Variants in PRR12 observed in about 807,000 individuals in gnomAD.
PRR12 encodes the protein proline rich 12.
In PRR12, 12 loss-of-function variants were observed where a neutral mutation model predicts 138.0. The observed-to-expected ratio is 0.09, with a 90% CI of 0.06 to 0.14. PRR12 has a LOEUF of 0.14. Among genes scored for constraint, PRR12 ranks in the 10% least tolerant of loss-of-function variants. The pLI is 1.00. For synonymous variants in PRR12, 1,567 were observed against 1,291.7 expected (o/e 1.21, Z -4.57); for missense variants, 2,692 against 2,861.3 (o/e 0.94, Z 1.35).
chr19:49,600,061 GTTTATGAAGGGAC>G, intron 5 of PRR12, 123 bp downstream of exon 5: 1 of 1,106,104 alleles, frequency 9.0e-7, no homozygotes, highest in African/African-American at 1.6e-5. Context: ...AAGCTTGCGT[GTTTATGAAGGGAC>G]TTTCCTGATT....
chr19:49,614,158 A>G lies in PRR12; in HGVS notation c.4774-375A>G, dbSNP rs2080880001. ...AATTATGTGGGGGGACAGTCAGACC[A>G]CAACAGGACGTCTTGCTCACAACCG... On this transcript the variant is annotated intron_variant, in intron 6 of 13. Coordinates refer to ENST00000418929, the MANE Select transcript of PRR12 (RefSeq NM_020719.3). This position sits in a 1 kb window ranked among gnomAD's most constrained non-coding sequence, Gnocchi z 5.0. 6.6e-6 allele frequency among the ~76,000 whole-genome samples: 1 copy of G among 152,194 alleles called. No individual in the cohort carries two copies. Among genetic ancestry groups the G allele is most frequent in the African/African-American group, 2.4e-5 (1 of 41,440 alleles).
rs545829884 is a variant in PRR12 at position 49,612,427 on chromosome 19, G to A, written c.4774-2106G>A. On this transcript the variant is annotated intron_variant, in intron 6 of 13. Transcript: ENST00000418929. ...TGGGGATTGACTGGCCCTGTTTGGG[G>A]AACGGGCAAGGCTGAAGTCAGGGTG... Among the ~76,000 whole-genome samples, 3 of 152,166 alleles carry A rather than the reference G, an allele frequency of 2.0e-5. No homozygotes were observed. In the East Asian group the frequency reaches 5.8e-4, roughly 29 times the overall value.
At position 49,594,836 on chromosome 19, in the gene PRR12, C is replaced by T. The variant is rs962193562; in HGVS notation, c.501C>T (p.Ser167=). 3 of 1,611,564 alleles carry T rather than the reference C, an allele frequency of 1.9e-6. No homozygotes were observed. In the African/African-American group the frequency reaches 4.0e-5, roughly 22 times the overall value. Residue 167 remains serine, a synonymous_variant, in exon 4 of 14, where the codon TCC becomes TCT. Transcript: ENST00000418929. This position sits in a 1 kb window ranked among gnomAD's most constrained non-coding sequence, Gnocchi z 5.6. Reference sequence around the variant, plus strand: ...GCCGCCCCTTCCCAGTGCCCTCGTCCCTCAGCCTCCAGGACCCCCCATTCA... The same window carrying T: ...GCCGCCCCTTCCCAGTGCCCTCGTCTCTCAGCCTCCAGGACCCCCCATTCA... ...FGSRPFPVPS[S]LSLQDPPFSP...
At chr19:49,610,951 T>C (rs898706860) in intron 6 of PRR12, among the ~76,000 whole-genome samples, 2 of 151,820 alleles carry the variant, frequency 1.3e-5, no homozygotes, top group African/African-American at 2.4e-5. Context: ...TTCAAGTGAT[T>C]GTCCCCTCAG....
chr19:49,598,941 C>T (rs577664992), intron 4 of PRR12, among the ~76,000 whole-genome samples: 5 of 152,102 alleles, frequency 3.3e-5, no homozygotes, highest in Non-Finnish European at 7.4e-5. Context: ...ATTACAGGCA[C>T]GAGCCACCTC....
rs950143636 is a variant in PRR12, at chr19:49,616,897, G to A, written c.5497+678G>A. Reference sequence around the variant, plus strand: ...TAATCCCAACACTTTGGGAGGCCAAGGTGGGCGGATCAGCTGAGGTCAGGA... The same window carrying A: ...TAATCCCAACACTTTGGGAGGCCAAAGTGGGCGGATCAGCTGAGGTCAGGA... On this transcript the variant is annotated intron_variant, in intron 9 of 13. Coordinates refer to ENST00000418929, the MANE Select transcript of PRR12 (RefSeq NM_020719.3). This position sits in a 1 kb window ranked among gnomAD's most constrained non-coding sequence, Gnocchi z 4.2. Among the ~76,000 whole-genome samples the A allele has an allele frequency of 6.6e-6, 1 of 152,170 alleles. No homozygotes were observed. Among genetic ancestry groups the A allele is most frequent in the Admixed American group, 6.5e-5 (1 of 15,274 alleles).
chr19:49,598,030 T>C lies in PRR12; in HGVS notation c.3678+17T>C. 7.5e-7 allele frequency: 1 copy of C among 1,341,220 alleles called. No individual in the cohort carries two copies. The highest frequency in any genetic ancestry group is 9.5e-7 in the Non-Finnish European group (1 of 1,047,844). The allele number at this position is 1,341,220 out of a possible 1,614,324, so 83.1% of individuals were successfully genotyped here. A position where few individuals can be genotyped will look rare whatever the true frequency, so the allele number is the denominator to read the frequency against. On this transcript the variant is annotated intron_variant, in intron 4 of 13. Coordinates refer to ENST00000418929, the MANE Select transcript of PRR12 (RefSeq NM_020719.3). ...CCACTTAAGGTGAGGGGAAATGGGG[T>C]CTTGTAGGGGATAGGGGAGGAGGAG...
chr19:49,599,406 G>A lies in PRR12; in HGVS notation c.3813G>A (p.Glu1271=), dbSNP rs761342590. The change falls in exon 5 of 14, where the codon GAG becomes GAA. Residue 1271 remains glutamate (E), a synonymous_variant. Coordinates refer to ENST00000418929, the MANE Select transcript of PRR12 (RefSeq NM_020719.3). This position sits in a 1 kb window ranked among gnomAD's most constrained non-coding sequence, Gnocchi z 5.0. ...TCGAGGCCAAGATTAAGGAGGTGGA[G>A]GAGAAGCAGCCGGAGATGAAGTCGG... The part of the protein sequence containing the change: ...EKIEAKIKEV[E]EKQPEMKSGF... 26 of 1,611,796 alleles carry A rather than the reference G, an allele frequency of 1.6e-5. No individual in the cohort carries two copies. Among genetic ancestry groups the A allele is most frequent in the Non-Finnish European group, 2.2e-5 (26 of 1,179,220 alleles).
intron 6 of PRR12, among the ~76,000 whole-genome samples, chr19:49,613,330 C>CAAA (rs781467379): frequency 3.9e-5 from 3 of 76,694 alleles, no homozygotes; most frequent in African/African-American, 4.1e-5. Flanking sequence ...GGCTCCATCT[C>CAAA]AAAAAAAAAA....
At chr19:49,612,057 C>T (rs935968748) in intron 6 of PRR12, among the ~76,000 whole-genome samples, 5 of 151,816 alleles carry the variant, frequency 3.3e-5, no homozygotes, top group Non-Finnish European at 5.9e-5. Context: ...ATGGTGAAAC[C>T]CCGTCTCCAC....
chr19:49,591,575 G>C lies in PRR12; in HGVS notation c.-80G>C. 1 of 764,386 alleles carries C rather than the reference G, an allele frequency of 1.3e-6. No individual in the cohort carries two copies. 47.4% of individuals were successfully genotyped at this position (764,386 alleles called of 1,614,324 possible). ...AAAAAAAAGCAGCAGCGGAGGGAGCGGCGGCGGAGGAGAGCGCGCGCGCGC... is the reference window on the plus strand; with the variant it reads ...AAAAAAAAGCAGCAGCGGAGGGAGCCGCGGCGGAGGAGAGCGCGCGCGCGC... On this transcript the variant is annotated 5_prime_UTR_variant, in exon 1 of 14. Transcript: ENST00000418929.
chr19:49,596,638 C>T lies in PRR12; in HGVS notation c.2303C>T (p.Pro768Leu). 2.5e-6 allele frequency: 4 copies of T among 1,595,244 alleles called. No homozygotes were observed. Among genetic ancestry groups the T allele is most frequent in the Non-Finnish European group, 3.4e-6 (4 of 1,171,808 alleles). Residue 768 changes from proline to leucine, a missense_variant, in exon 4 of 14, where the codon CCT becomes CTT. Around this residue, in one of 11 missense-constraint regions of PRR12, gnomAD observed 840 missense variants for 689.8 expected, o/e 1.22. Coordinates refer to ENST00000418929, the MANE Select transcript of PRR12 (RefSeq NM_020719.3). This position sits in a 1 kb window ranked among gnomAD's most constrained non-coding sequence, Gnocchi z 5.6. ...AFLQKSPPPP[P>L]PTAQSTQPTP... Reference sequence around the variant, plus strand: ...TTGCAAAAGAGCCCTCCGCCCCCACCTCCCACGGCCCAGTCTACCCAGCCC... The same window carrying T: ...TTGCAAAAGAGCCCTCCGCCCCCACTTCCCACGGCCCAGTCTACCCAGCCC...
At chr19:49,601,980 C>G (rs2080814639) in intron 6 of PRR12, 62 bp downstream of exon 6, 1 of 1,554,918 alleles carries the variant, frequency 6.4e-7, no homozygotes, top group Non-Finnish European at 8.7e-7. Flanking sequence ...TTGTTGAGTG[C>G]CCGCTGGATG....
chr19:49,597,349 C>A lies in PRR12; in HGVS notation c.3014C>A (p.Thr1005Lys). ...CGGGCGTCGGGAGCCGGGCCCGAGA[C>A]ACCGGGCCTGGGCCTGGACCCCAAC... The part of the protein sequence containing the change: ...PGRASGAGPE[T>K]PGLGLDPNKP... Residue 1005 changes from threonine (T) to lysine (K), a missense_variant, in exon 4 of 14, where the codon ACA (threonine) becomes AAA (lysine). Thr to Lys is a moderately conservative substitution (Grantham distance 78). Around this residue, in one of 11 missense-constraint regions of PRR12, gnomAD observed 840 missense variants for 689.8 expected, o/e 1.22. Coordinates refer to ENST00000418929, the MANE Select transcript of PRR12 (RefSeq NM_020719.3). This position sits in a 1 kb window ranked among gnomAD's most constrained non-coding sequence, Gnocchi z 6.3. 1 of 1,540,312 alleles carries A rather than the reference C, an allele frequency of 6.5e-7. No homozygotes were observed. Among genetic ancestry groups the A allele is most frequent in the Non-Finnish European group, 8.7e-7 (1 of 1,147,246 alleles).
At chr19:49,593,048 T>A (rs1194343759) in intron 1 of PRR12, among the ~76,000 whole-genome samples, 1 of 152,086 alleles carries the variant, frequency 6.6e-6, no homozygotes, top group Non-Finnish European at 1.5e-5. Flanking sequence ...TGGACCCTCT[T>A]CTGTGTGTTA....
rs114010839 is a variant in PRR12 at position 49,620,502 on chromosome 19, G to T, written c.5623+25G>T. ...GGTGAGCTGAGGCCTGGGGAGGAGGGGGGGGGGCTGACTCGGTCTGAGGGA... is the reference window on the plus strand; with the variant it reads ...GGTGAGCTGAGGCCTGGGGAGGAGGTGGGGGGGCTGACTCGGTCTGAGGGA... On this transcript the variant is annotated intron_variant, in intron 10 of 13. Transcript: ENST00000418929. 1.7e-3 allele frequency: 2,708 copies of T among 1,549,364 alleles called. 20 individuals carry two copies. Among genetic ancestry groups the T allele is most frequent in the South Asian group, 6.1e-3 (515 of 84,142 alleles).
At chr19:49,607,107 A>T (rs1252509921) in intron 6 of PRR12, among the ~76,000 whole-genome samples, 3 of 151,974 alleles carry the variant, frequency 2.0e-5, no homozygotes, top group Admixed American at 6.6e-5. Flanking sequence ...CAGGCTGGGC[A>T]ACATTGTGAG....
Position 49,625,688 on chromosome 19 carries a change from T to TG in PRR12, c.*84dup, listed in dbSNP as rs1045072820. 1.7e-5 allele frequency: 25 copies of TG among 1,482,840 alleles called. No individual in the cohort carries two copies. Among genetic ancestry groups the TG allele is most frequent in the Non-Finnish European group, 2.2e-5 (25 of 1,115,768 alleles). 91.9% of individuals were successfully genotyped at this position (1,482,840 alleles called of 1,614,324 possible). A position where few individuals can be genotyped will look rare whatever the true frequency, so the allele number is the denominator to read the frequency against. The stretch of plus-strand genomic sequence containing the variant: ...AACCGTGTCCTCAGGAGCTAACACC[T>TG]GGGCTCCATCGCCGGGGAAAGGGGG... On this transcript the variant is annotated 3_prime_UTR_variant, in exon 14 of 14. Transcript: ENST00000418929. This position sits in a 1 kb window ranked among gnomAD's most constrained non-coding sequence, Gnocchi z 5.5.
intron 6 of PRR12, among the ~76,000 whole-genome samples, chr19:49,607,419 GT>G (rs1227095995): frequency 6.6e-6 from 1 of 151,754 alleles, no homozygotes; most frequent in Non-Finnish European, 1.5e-5. Context: ...TATTAATGAT[GT>G]TTTTGCCAGG....
Sources: gnomAD v4.1 joint callset for allele counts (sites outside exome capture counted in the v4.1 genomes callset) on GRCh38, gnomAD v4.1.1 for gene constraint, gnomAD v4.1.1 regional missense constraint, Gnocchi (gnomAD v3.1) non-coding constraint, MANE v1.5 for transcripts, NCBI Gene and HGNC (gene_info 2026-07-23, HGNC 2026-07-21) for gene names.